The following ZNF274 variants were observed in gnomAD, a reference collection of about 807,000 sequenced individuals.
The protein encoded by ZNF274 is neurotrophin receptor-interacting factor homolog.
Under a neutral mutation model 42.5 loss-of-function variants are expected in ZNF274, and 23 were observed. The ratio of observed to expected loss-of-function variants is 0.54; its 90% CI spans 0.39 to 0.77. The LOEUF is 0.77. ZNF274 is among the 30% of genes least tolerant of loss of function. ZNF274 has a pLI of 0.00. For synonymous variants in ZNF274, 292 were observed against 305.4 expected (o/e 0.96, Z 0.46); for missense variants, 679 against 806.5 (o/e 0.84, Z 1.91).
intron 4 of ZNF274, among the ~76,000 whole-genome samples, chr19:58,200,054 G>T (rs1279119842): frequency 6.6e-6 from 1 of 152,206 alleles, no homozygotes; most frequent in Admixed American, 6.5e-5. Context: ...AGAAGCAAGT[G>T]GGGTGCAAAC....
chr19:58,204,808 A>T (rs1386832978), intron 4 of ZNF274, among the ~76,000 whole-genome samples: 1 of 152,096 alleles, frequency 6.6e-6, no homozygotes, highest in Non-Finnish European at 1.5e-5. Flanking sequence ...GGAAATAAAG[A>T]CCAGGCCGTC....
rs1452374977 is a variant in ZNF274, at chr19:58,183,182, A to C, written c.-306A>C. On this transcript the variant is annotated 5_prime_UTR_variant, in exon 1 of 8. Coordinates refer to ENST00000617501, the MANE Select transcript of ZNF274 (RefSeq NM_133502.3). ...TCTCTCCCAGCTCGGGTCGCCGCCC[A>C]CATTAGTGTGGGGCCCTGCGGCCTA... 1 of 152,026 alleles carries C rather than the reference A, an allele frequency of 6.6e-6. No homozygotes were observed. Among genetic ancestry groups the C allele is most frequent in the African/African-American group, 2.4e-5 (1 of 41,318 alleles). 9.4% of individuals were successfully genotyped at this position (152,026 alleles called of 1,614,324 possible). A position where few individuals can be genotyped will look rare whatever the true frequency, so the allele number is the denominator to read the frequency against.
intron 3 of ZNF274, among the ~76,000 whole-genome samples, chr19:58,186,553 G>A (rs1036123233): frequency 6.0e-4 from 46 of 76,462 alleles, no homozygotes; most frequent in South Asian, 6.7e-4. Flanking sequence ...AAAAAAAAAA[G>A]CCTGTCCCTT....
In ZNF274 at chr19:58,213,317, A is replaced by C; in HGVS notation, c.*174A>C. On this transcript the variant is annotated 3_prime_UTR_variant, in exon 8 of 8. Transcript: ENST00000617501. ...CAGCACATAATGAATAAATAAGAAA[A>C]TGAGTGAGGAGTTATTAACATCATT... 1.5e-6 allele frequency: 1 copy of C among 669,754 alleles called. No individual in the cohort carries two copies. The highest frequency in any genetic ancestry group is 2.2e-6 in the Non-Finnish European group (1 of 446,650). The allele number at this position is 669,754 out of a possible 1,614,324, so 41.5% of individuals were successfully genotyped here. A position where few individuals can be genotyped will look rare whatever the true frequency, so the allele number is the denominator to read the frequency against.
chr19:58,185,299 C>T (rs2075684497), intron 2 of ZNF274, among the ~76,000 whole-genome samples: 2 of 151,752 alleles, frequency 1.3e-5, no homozygotes, highest in Non-Finnish European at 2.9e-5. Context: ...TGGTATGCGC[C>T]TGTAATCCCA....
Position 58,211,452 on chromosome 19 carries a change from C to A in ZNF274, c.853-108C>A. On this transcript the variant is annotated intron_variant, in intron 6 of 7. Transcript: ENST00000617501. This position sits in a 1 kb window ranked among gnomAD's most constrained non-coding sequence, Gnocchi z 4.8. Reference sequence around the variant, plus strand: ...GAGCAAATCCCCAAAGCAGGAGAGTCCCTAGCACCGTGAGCTCTGTCAGAA... The same window carrying A: ...GAGCAAATCCCCAAAGCAGGAGAGTACCTAGCACCGTGAGCTCTGTCAGAA... The A allele has an allele frequency of 7.0e-7, 1 of 1,420,694 alleles. No individual in the cohort carries two copies. The highest frequency in any genetic ancestry group is 9.5e-7 in the Non-Finnish European group (1 of 1,054,196). 88.0% of individuals were successfully genotyped at this position (1,420,694 alleles called of 1,614,324 possible).
intron 3 of ZNF274, 30 bp from the exon 4 acceptor site, chr19:58,186,917 C>G (rs1184666266): frequency 6.3e-7 from 1 of 1,594,990 alleles, no homozygotes; most frequent in African/African-American, 1.3e-5. Flanking sequence ...CACAGACCCC[C>G]ACAAGCCCTG....
At chr19:58,193,347 C>T (rs555244623) in intron 4 of ZNF274, among the ~76,000 whole-genome samples, 22 of 151,016 alleles carry the variant, frequency 1.5e-4, no homozygotes, top group Non-Finnish European at 2.5e-4. Flanking sequence ...AGGGTTTCAC[C>T]GTGTTAGCCA....
chr19:58,196,771 T>G (rs1236203578), intron 4 of ZNF274, among the ~76,000 whole-genome samples: 1 of 152,184 alleles, frequency 6.6e-6, no homozygotes, highest in Non-Finnish European at 1.5e-5. Flanking sequence ...AGTAAATGTG[T>G]TTAGTTTGAA....
In ZNF274 at chr19:58,192,518, G is replaced by A. The variant is rs144348013; in HGVS notation, c.256+5476G>A. 2.1e-4 allele frequency among the ~76,000 whole-genome samples: 32 copies of A among 152,216 alleles called. 1 individual carries two copies. In the South Asian group the frequency reaches 4.6e-3, roughly 22 times the overall value. On this transcript the variant is annotated intron_variant, in intron 4 of 7. Coordinates refer to ENST00000617501, the MANE Select transcript of ZNF274 (RefSeq NM_133502.3). The stretch of plus-strand genomic sequence containing the variant: ...TCTAACATATTTCATACGTAAAGTC[G>A]GACCTCCTGCACATAACAAAATCCA...
At chr19:58,188,657 G>GAT (rs1568697613) in intron 4 of ZNF274, among the ~76,000 whole-genome samples, 3 of 64,052 alleles carry the variant, frequency 4.7e-5, no homozygotes, top group East Asian at 7.8e-4. Flanking sequence ...GTAAAAAATA[G>GAT]ATGTGTGTGT....
Position 58,199,344 on chromosome 19 carries a change from C to T in ZNF274, c.257-7376C>T, listed in dbSNP as rs561206696. 1.1e-3 allele frequency among the ~76,000 whole-genome samples: 171 copies of T among 151,322 alleles called. 1 individual carries two copies. The highest frequency in any genetic ancestry group is 8.1e-3 in the South Asian group (39 of 4,800). On this transcript the variant is annotated intron_variant, in intron 4 of 7. Transcript: ENST00000617501. ...TTGTGCCACTACACTTCAGCCTGGG[C>T]GACAGAGCAAGACTCTGTCTAAAAA...
At chr19:58,204,557 G>A (rs1421972247) in intron 4 of ZNF274, among the ~76,000 whole-genome samples, 1 of 152,142 alleles carries the variant, frequency 6.6e-6, no homozygotes, top group East Asian at 1.9e-4. Flanking sequence ...CGGCTTCCGG[G>A]CTCTGAAAGA....
intron 1 of ZNF274, 66 bp from the exon 2 acceptor site, chr19:58,183,855 G>C: frequency 8.9e-7 from 1 of 1,124,348 alleles, no homozygotes. Flanking sequence ...CCTGGGCGGA[G>C]GCTGCGGTAG....
chr19:58,191,967 A>G (rs777736083), intron 4 of ZNF274, among the ~76,000 whole-genome samples: 5 of 152,240 alleles, frequency 3.3e-5, no homozygotes, highest in Non-Finnish European at 7.3e-5. Flanking sequence ...ACACAGATAC[A>G]GTGATAAATG....
At position 58,213,016 on chromosome 19, in the gene ZNF274, C is replaced by G. The variant is rs2076061614; in HGVS notation, c.1835C>G (p.Thr612Ser). The G allele has an allele frequency of 6.2e-7, 1 of 1,613,906 alleles. No individual in the cohort carries two copies. The highest frequency in any genetic ancestry group is 8.5e-7 in the Non-Finnish European group (1 of 1,179,920). Reference protein sequence around the residue: ...QSSHLIRHQRTHTGERPYACN... With the variant: ...QSSHLIRHQRSHTGERPYACN... ...TCCCACCTCATCAGACATCAGAGGACTCACACCGGGGAGCGCCCATATGCA... is the reference window on the plus strand; with the variant it reads ...TCCCACCTCATCAGACATCAGAGGAGTCACACCGGGGAGCGCCCATATGCA... The change falls in exon 8 of 8, where the codon ACT (threonine) becomes AGT (serine). Residue 612 changes from threonine to serine, a missense_variant. Physicochemically the swap from Thr to Ser is moderately conservative, Grantham distance 58 (BLOSUM62 1). Transcript: ENST00000617501.
At chr19:58,185,667 G>A (rs548076178) in intron 2 of ZNF274, 45 bp from the exon 3 acceptor site, 59 of 1,385,752 alleles carry the variant, frequency 4.3e-5, no homozygotes, top group East Asian at 2.2e-4. Flanking sequence ...TTCTTTTGTC[G>A]TGGATGCGGA....
chr19:58,202,760 A>C (rs553941710), intron 4 of ZNF274, among the ~76,000 whole-genome samples: 2 of 152,286 alleles, frequency 1.3e-5, no homozygotes, highest in Non-Finnish European at 1.5e-5. Context: ...GATTGCCCTA[A>C]AGGTCTTGGG....
At position 58,188,714 on chromosome 19, in the gene ZNF274, A is replaced by ATATATATATG. The variant is rs1555816938; in HGVS notation, c.256+1681_256+1682insGTATATATAT. ...TATATGTATATATATATATATATATATATATATATAAATCTTTAAAAATAG... is the reference window on the plus strand; with the variant it reads ...TATATGTATATATATATATATATATATATATATATGTATATATATAAATCTTTAAAAATAG... On this transcript the variant is annotated intron_variant, in intron 4 of 7. Transcript: ENST00000617501. 1.1e-3 allele frequency among the ~76,000 whole-genome samples: 139 copies of ATATATATATG among 127,586 alleles called. 4 individuals carry two copies. The highest frequency in any genetic ancestry group is 4.7e-3 in the Middle Eastern group (1 of 212). The allele number at this position is 127,586 out of a possible 152,430, so 83.7% of individuals were successfully genotyped here. A position where few individuals can be genotyped will look rare whatever the true frequency, so the allele number is the denominator to read the frequency against.
Sources: allele counts gnomAD v4.1 joint callset (sites outside exome capture counted in the v4.1 genomes callset), GRCh38; gene constraint gnomAD v4.1.1; non-coding constraint Gnocchi (gnomAD v3.1); transcripts MANE v1.5; gene names NCBI Gene and HGNC (gene_info 2026-07-23, HGNC 2026-07-21).